Variants in NUDT19 observed in about 807,000 individuals in gnomAD.
NUDT19 encodes the protein acyl-coenzyme A diphosphatase NUDT19.
In NUDT19, 31 loss-of-function variants were observed where a neutral mutation model predicts 22.2. The ratio of observed to expected loss-of-function variants is 1.40; its 90% confidence interval spans 1.05 to 1.89. The LOEUF is 1.89. NUDT19 is among the 40% of genes most tolerant of loss of function. The pLI, the probability that NUDT19 is intolerant of heterozygous loss-of-function variation, is 0.00. For missense variants in NUDT19, 752 were observed against 514.2 expected, an observed-to-expected ratio of 1.46 and a Z score of -4.47; for synonymous variants, 325 against 230.8, an observed-to-expected ratio of 1.41 and a Z score of -3.70.
intron 1 of NUDT19, among the ~76,000 whole-genome samples, chr19:32,704,623 A>T (rs1236389581): frequency 6.6e-6 from 1 of 152,088 alleles, no homozygotes; most frequent in East Asian, 1.9e-4. Context: ...TCTTTACAGC[A>T]TTGTTTTTAA....
chr19:32,704,573 A>AT (rs1279139693), intron 1 of NUDT19, among the ~76,000 whole-genome samples: 2 of 151,948 alleles, frequency 1.3e-5, no homozygotes, highest in Admixed American at 6.6e-5. Flanking sequence ...TGCAGGTAAT[A>AT]TTTTTTATTT....
intron 1 of NUDT19, among the ~76,000 whole-genome samples, chr19:32,694,449 T>G (rs1415805252): frequency 1.3e-5 from 2 of 152,226 alleles, no homozygotes; most frequent in African/African-American, 2.4e-5. Flanking sequence ...ATTTTGTTAT[T>G]TCTTGCAAAC....
At chr19:32,699,792 C>G (rs866091549) in intron 1 of NUDT19, among the ~76,000 whole-genome samples, 1 of 152,116 alleles carries the variant, frequency 6.6e-6, no homozygotes, top group African/African-American at 2.4e-5. Flanking sequence ...AGCTGCAGAC[C>G]CTTGCGGTGA....
chr19:32,705,354 G>A (rs1040655182), intron 1 of NUDT19, among the ~76,000 whole-genome samples: 1 of 151,270 alleles, frequency 6.6e-6, no homozygotes, highest in Non-Finnish European at 1.5e-5. Context: ...AACCCAGGAG[G>A]CAGAGGTTGC....
chr19:32,704,100 T>G (rs1968363079), intron 1 of NUDT19, among the ~76,000 whole-genome samples: 1 of 152,210 alleles, frequency 6.6e-6, no homozygotes, highest in African/African-American at 2.4e-5. Flanking sequence ...AACTTTTGCT[T>G]GCTTGAAAAT....
chr19:32,701,436 G>A (rs985218873), intron 1 of NUDT19, among the ~76,000 whole-genome samples: 2 of 152,036 alleles, frequency 1.3e-5, no homozygotes, highest in African/African-American at 4.8e-5. Context: ...GACCTCAGGT[G>A]ATCCACCTGT....
intron 1 of NUDT19, among the ~76,000 whole-genome samples, chr19:32,708,943 AG>A (rs1425150945): frequency 6.6e-6 from 1 of 152,174 alleles, no homozygotes; most frequent in Admixed American, 6.5e-5. Flanking sequence ...GTCAAGCCTC[AG>A]GGGTCTGCCC....
At chr19:32,702,276 C>T (rs1968343798) in intron 1 of NUDT19, among the ~76,000 whole-genome samples, 1 of 152,178 alleles carries the variant, frequency 6.6e-6, no homozygotes, top group Non-Finnish European at 1.5e-5. Flanking sequence ...AATTAAGCAC[C>T]TGCGGTAGAT....
In NUDT19 at chr19:32,705,009, A is replaced by C. The variant is rs374775334; in HGVS notation, c.715-4176A>C. Among the ~76,000 whole-genome samples, 4 of 151,072 alleles carry C rather than the reference A, an allele frequency of 2.6e-5. No individual in the cohort carries two copies. The East Asian group carries it at 5.9e-4, about 22-fold the overall frequency. On this transcript the variant is annotated intron_variant, in intron 1 of 2. Coordinates refer to ENST00000397061, the MANE Select transcript of NUDT19 (RefSeq NM_001105570.2). ...GTAATCCCAGCTACTTGGGGGGCCA[A>C]GGCAGAAGAATCGGTTGAACCTGGG...
chr19:32,692,287 C>G lies in NUDT19; in HGVS notation c.327C>G (p.Asp109Glu), dbSNP rs1376458371. The G allele has an allele frequency of 6.3e-7, 1 of 1,593,678 alleles. No homozygotes were observed. Among genetic ancestry groups the G allele is most frequent in the South Asian group, 1.1e-5 (1 of 90,530 alleles). ...TCCCGTCGCTGCCCGACACCGATGA[C>G]CACAAGACCGACAACACTGGGACGC... is the stretch of plus-strand genomic sequence containing the variant. ...TAFPSLPDTD[D>E]HKTDNTGTLP... is the part of the protein sequence containing the mutation. The change falls in exon 1 of 3, where the codon GAC becomes GAG. Residue 109 changes from aspartate to glutamate, a missense_variant. By Grantham distance (45) the Asp-to-Glu change is conservative (BLOSUM62 2). Transcript: ENST00000397061.
Position 32,692,183 on chromosome 19 carries a change from G to C in NUDT19, c.223G>C (p.Asp75His). 6.5e-7 allele frequency: 1 copy of C among 1,549,680 alleles called. No homozygotes were observed. The highest frequency in any genetic ancestry group is 8.6e-7 in the Non-Finnish European group (1 of 1,159,968). ...GVLDAADRSA[D>H]WLGLFAPHHG... is the part of the protein sequence containing the mutation. ...GCTGGATGCGGCCGACCGCTCGGCG[G>C]ACTGGCTGGGCCTCTTCGCGCCGCA... is the stretch of plus-strand genomic sequence containing the variant. The change falls in exon 1 of 3, where the codon GAC (aspartate) becomes CAC (histidine). Residue 75 changes from aspartate to histidine, a missense_variant. Physicochemically the swap from Asp to His is moderately conservative, Grantham distance 81. Transcript: ENST00000397061.
Position 32,692,234 on chromosome 19 carries a change from G to C in NUDT19, c.274G>C (p.Gly92Arg). Residue 92 changes from glycine to arginine, a missense_variant, in exon 1 of 3, where the codon GGC becomes CGC. Coordinates refer to ENST00000397061, the MANE Select transcript of NUDT19 (RefSeq NM_001105570.2). ...CCACGGGCCGCCGCGCTTCGGCCTG[G>C]GCCCGGCGCCATTCAGCCGCACCGC... is the stretch of plus-strand genomic sequence containing the variant. ...PHHGPPRFGLGPAPFSRTAFP... is the reference protein window; with the variant it reads ...PHHGPPRFGLRPAPFSRTAFP... 1 of 1,588,728 alleles carries C rather than the reference G, an allele frequency of 6.3e-7. No homozygotes were observed. The highest frequency in any genetic ancestry group is 8.5e-7 in the Non-Finnish European group (1 of 1,176,146).
chr19:32,697,959 A>G (rs1968284810), intron 1 of NUDT19, among the ~76,000 whole-genome samples: 1 of 152,164 alleles, frequency 6.6e-6, no homozygotes, highest in Non-Finnish European at 1.5e-5. Flanking sequence ...TAGCCCGGGA[A>G]GGGGGCGTTT....
At position 32,692,047 on chromosome 19, in the gene NUDT19, C is replaced by T; in HGVS notation, c.87C>T (p.Thr29=). The T allele has an allele frequency of 3.9e-6, 5 of 1,286,312 alleles. No individual in the cohort carries two copies. Among genetic ancestry groups the T allele is most frequent in the Admixed American group, 4.1e-5 (1 of 24,274 alleles). The allele number at this position is 1,286,312 out of a possible 1,614,324, so 79.7% of individuals were successfully genotyped here. A position where few individuals can be genotyped will look rare whatever the true frequency, so the allele number is the denominator to read the frequency against. Residue 29 remains threonine, a synonymous_variant, in exon 1 of 3, where the codon ACC becomes ACT. Coordinates refer to ENST00000397061, the MANE Select transcript of NUDT19 (RefSeq NM_001105570.2). ...VLAAGWSRPE[T]ATPPSRPPPA... The stretch of plus-strand genomic sequence containing the variant: ...CGGCTGGCTGGTCGCGCCCGGAGAC[C>T]GCCACCCCGCCGTCGCGCCCGCCGC...
chr19:32,703,489 C>T (rs932947889), intron 1 of NUDT19, among the ~76,000 whole-genome samples: 1 of 151,820 alleles, frequency 6.6e-6, no homozygotes, highest in South Asian at 2.1e-4. Flanking sequence ...GCTAGGATTA[C>T]AGGCATGCAC....
intron 1 of NUDT19, among the ~76,000 whole-genome samples, chr19:32,695,486 G>T (rs990498949): frequency 1.4e-4 from 21 of 152,154 alleles, no homozygotes; most frequent in Admixed American, 7.2e-4. Context: ...ATTTACCCTG[G>T]CTTTTAAAGG....
chr19:32,709,894 C>G (rs539061361), intron 2 of NUDT19, among the ~76,000 whole-genome samples: 1 of 151,494 alleles, frequency 6.6e-6, no homozygotes, highest in South Asian at 2.1e-4. Flanking sequence ...ACCTTGTGAT[C>G]CACCCGCCTT....
Position 32,711,793 on chromosome 19 carries a change from CT to C in NUDT19, c.966del (p.Met323CysfsTer11), listed in dbSNP as rs1295264425. 1.2e-6 allele frequency: 2 copies of C among 1,613,502 alleles called. No individual in the cohort carries two copies. Among genetic ancestry groups the C allele is most frequent in the Middle Eastern group, 3.3e-4 (2 of 6,060 alleles). On this transcript the variant is annotated frameshift_variant, in exon 3 of 3. Transcript: ENST00000397061. LOFTEE classifies it low-confidence loss of function (END_TRUNC). ...AGAAGATTCAGACTTTTTGGAAAAT[CT>C]TATGTCTACTGAAAAAAAGACTGAG... ...YLEDSDFLENLMSTEKKTEEI... is the reference protein window; with the variant it reads ...YLEDSDFLENXMSTEKKTEEI...
chr19:32,710,169 G>A (rs1234086332), intron 2 of NUDT19, among the ~76,000 whole-genome samples: 6 of 150,632 alleles, frequency 4.0e-5, no homozygotes, highest in Non-Finnish European at 5.9e-5. Context: ...GTGCCACCAC[G>A]CCTGGCTAAT....
Sources: allele counts gnomAD v4.1 joint callset (sites outside exome capture counted in the v4.1 genomes callset), GRCh38; gene constraint gnomAD v4.1.1; transcripts MANE v1.5; gene names NCBI Gene and HGNC (gene_info 2026-07-23, HGNC 2026-07-21).